Variants in UVSSA observed in about 807,000 individuals in gnomAD.
The protein encoded by UVSSA is UV stimulated scaffold protein A, also known as UV-stimulated scaffold protein A.
A neutral mutation model predicts 73.9 loss-of-function variants in UVSSA; 72 were observed. That is an observed-to-expected ratio of 0.97 (90% confidence interval 0.81 to 1.19). The LOEUF (loss-of-function observed/expected upper bound fraction) is 1.19, where lower values mean the gene tolerates loss of function less well. Ranked by LOEUF, UVSSA falls within the 50% of genes most tolerant of loss-of-function variation. The probability of loss-of-function intolerance (pLI) is 0.00; values close to 1 mark genes in which losing one functional copy is unlikely to be tolerated. For missense variants in UVSSA, 1,150 were observed against 965.0 expected (o/e 1.19, Z -2.54); for synonymous variants, 454 against 391.3 (o/e 1.16, Z -1.89).
rs1335098328 is a variant in UVSSA, at chr4:1,386,677, C to G, written c.*716C>G. ...AGAGGAGTCTATTCAAACCTCTTGC[C>G]TATTTTTAATTGAATGATTTATCTT... On this transcript the variant is annotated 3_prime_UTR_variant, in exon 14 of 14. Coordinates refer to ENST00000389851, the MANE Select transcript of UVSSA (RefSeq NM_020894.4). 1 of 152,018 alleles carries G rather than the reference C, an allele frequency of 6.6e-6. No individual in the cohort carries two copies. Among genetic ancestry groups the G allele is most frequent in the East Asian group, 1.9e-4 (1 of 5,190 alleles). The allele number at this position is 152,018 out of a possible 1,614,324, so 9.4% of individuals were successfully genotyped here. A position where few individuals can be genotyped will look rare whatever the true frequency, so the allele number is the denominator to read the frequency against.
rs576691785 is a variant in UVSSA at position 1,364,960 on chromosome 4, G to A, written c.1177-1360G>A. ...CGGGGCTCTCAGGGAAGGATGGTGC[G>A]CCCTGGGGGCTGCGTGCGAGCTCCC... On this transcript the variant is annotated intron_variant, in intron 7 of 13. Coordinates refer to ENST00000389851, the MANE Select transcript of UVSSA (RefSeq NM_020894.4). Among the ~76,000 whole-genome samples, 6 of 152,260 alleles carry A rather than the reference G, an allele frequency of 3.9e-5. No homozygotes were observed. The South Asian group carries it at 6.2e-4, about 16-fold the overall frequency.
chr4:1,377,855 G>C (rs1459400790), intron 10 of UVSSA, among the ~76,000 whole-genome samples: 1 of 152,278 alleles, frequency 6.6e-6, no homozygotes, highest in African/African-American at 2.4e-5. Flanking sequence ...GCTGTGGTCG[G>C]CTTGATGGAG....
rs1249705222 is a variant in UVSSA at position 1,375,430 on chromosome 4, A to G, written c.1355A>G (p.Glu452Gly). The change falls in exon 9 of 14, where the codon GAG becomes GGG. Residue 452 changes from glutamate (E) to glycine (G), a missense_variant. By Grantham distance (98) the Glu-to-Gly change is moderately conservative. Transcript: ENST00000389851. Reference sequence around the variant, plus strand: ...TTGCGGACGAGGACGAGGATGGACGAGGAGGTGTCGGACCCCACCTCTGCG... The same window carrying G: ...TTGCGGACGAGGACGAGGATGGACGGGGAGGTGTCGGACCCCACCTCTGCG... ...RCLRTRTRMDEEVSDPTSAAA... is the reference protein window; with the variant it reads ...RCLRTRTRMDGEVSDPTSAAA... 11 of 1,612,834 alleles carry G rather than the reference A, an allele frequency of 6.8e-6. No individual in the cohort carries two copies. The highest frequency in any genetic ancestry group is 8.5e-6 in the Non-Finnish European group (10 of 1,180,012).
At chr4:1,343,108 G>A (rs943964319), upstream of UVSSA, among the ~76,000 whole-genome samples, 5 of 152,120 alleles carry the variant, frequency 3.3e-5, no homozygotes, top group South Asian at 2.1e-4. Context: ...CTCGGCTGCC[G>A]TAACAGAAGA....
intron 2 of UVSSA, 53 bp from the exon 3 acceptor site, chr4:1,349,471 C>G (rs1201433092): frequency 6.4e-7 from 1 of 1,563,754 alleles, no homozygotes; most frequent in Middle Eastern, 2.2e-4. Context: ...GAGTCTCCCC[C>G]CGCCCATCCT....
In UVSSA at chr4:1,387,265, A is replaced by G. The variant is rs771441295; in HGVS notation, c.*1304A>G. Reference sequence around the variant, plus strand: ...GCTAATTTTTGTATTTTTAGTAGAGACGGGATTTCACTGTGTTGGCTGGGA... The same window carrying G: ...GCTAATTTTTGTATTTTTAGTAGAGGCGGGATTTCACTGTGTTGGCTGGGA... On this transcript the variant is annotated 3_prime_UTR_variant, in exon 14 of 14. Coordinates refer to ENST00000389851, the MANE Select transcript of UVSSA (RefSeq NM_020894.4). The G allele has an allele frequency of 2.0e-5, 3 of 152,076 alleles. No individual in the cohort carries two copies. The highest frequency in any genetic ancestry group is 2.9e-5 in the Non-Finnish European group (2 of 68,030). The allele number at this position is 152,076 out of a possible 1,614,324, so 9.4% of individuals were successfully genotyped here. A position where few individuals can be genotyped will look rare whatever the true frequency, so the allele number is the denominator to read the frequency against.
chr4:1,374,815 A>G (rs1044537157), intron 8 of UVSSA: 3 of 152,962 alleles, frequency 2.0e-5, no homozygotes, highest in Admixed American at 6.5e-5. Flanking sequence ...CCCCGCTAAC[A>G]TCGCGGTTTG....
downstream of UVSSA, chr4:1,390,606 T>C (rs1720389762): frequency 6.6e-6 from 1 of 152,268 alleles, no homozygotes. Context: ...CTTATTTCAC[T>C]CCATTATGGC....
intron 3 of UVSSA, among the ~76,000 whole-genome samples, chr4:1,350,243 C>G (rs1443009430): frequency 6.6e-6 from 1 of 152,186 alleles, no homozygotes; most frequent in Admixed American, 6.5e-5. Context: ...AAGGCTCCAC[C>G]CGCACCCTAC....
intron 8 of UVSSA, among the ~76,000 whole-genome samples, chr4:1,370,541 G>A (rs1037358792): frequency 3.9e-5 from 6 of 152,270 alleles, no homozygotes; most frequent in Non-Finnish European, 7.3e-5. Flanking sequence ...GCCGTGCACG[G>A]CTTAGAGGAG....
At chr4:1,352,914 CACCTGGTGCTGAAA>C in intron 4 of UVSSA, 102 bp from the exon 5 acceptor site, 1 of 1,366,986 alleles carries the variant, frequency 7.3e-7, no homozygotes, top group Non-Finnish European at 9.8e-7. Context: ...CACTGCATTC[CACCTGGTGCTGAAA>C]AGTGACACCC....
At chr4:1,379,770 ATTCAGACGCAGGCGGTCGTGCC>A in intron 10 of UVSSA, among the ~76,000 whole-genome samples, 1 of 33,792 alleles carries the variant, frequency 3.0e-5, no homozygotes, top group Non-Finnish European at 6.0e-5. Context: ...TGGCGTCAGA[ATTCAGACGCAGGCGGTCGTGCC>A]CGTGGTCGCG....
At chr4:1,373,157 A>C (rs1374656510) in intron 8 of UVSSA, among the ~76,000 whole-genome samples, 1 of 152,226 alleles carries the variant, frequency 6.6e-6, no homozygotes, top group Non-Finnish European at 1.5e-5. Context: ...TGCTATTGAA[A>C]ATCTTGTGTC....
At chr4:1,349,928 A>G in intron 3 of UVSSA, 74 bp downstream of exon 3, 1 of 1,353,712 alleles carries the variant, frequency 7.4e-7, no homozygotes, top group Non-Finnish European at 9.8e-7. Context: ...CAGGGTGAAG[A>G]TGCGCCTCCT....
At chr4:1,353,628 A>G (rs1051743515) in intron 5 of UVSSA, among the ~76,000 whole-genome samples, 1 of 152,108 alleles carries the variant, frequency 6.6e-6, no homozygotes, top group African/African-American at 2.4e-5. Flanking sequence ...GGACACTTCT[A>G]AGAGCTCATG....
intron 13 of UVSSA, chr4:1,384,577 TC>T (rs1206691583): frequency 6.6e-6 from 1 of 152,394 alleles, no homozygotes; most frequent in African/African-American, 2.4e-5. Context: ...GTTTCTGTCT[TC>T]ATATTGCCTT....
chr4:1,380,729 G>C (rs1340151875), intron 11 of UVSSA, 151 bp from the exon 12 acceptor site: 2 of 1,550,256 alleles, frequency 1.3e-6, no homozygotes, highest in African/African-American at 2.7e-5. Context: ...GCCCTCCTCT[G>C]AGGGGCGCGT....
At chr4:1,369,125 G>C (rs28649968) in intron 8 of UVSSA, among the ~76,000 whole-genome samples, 1 of 152,162 alleles carries the variant, frequency 6.6e-6, no homozygotes, top group African/African-American at 2.4e-5. Flanking sequence ...ACGTTCTGCC[G>C]TTCTGCCGTT....
chr4:1,358,441 C>T (rs1347904979), intron 7 of UVSSA: 1 of 152,292 alleles, frequency 6.6e-6, no homozygotes, highest in African/African-American at 2.4e-5. Context: ...TTTCTAGACT[C>T]TTCTCCGCAA....
Sources: gnomAD v4.1 joint callset for allele counts (sites outside exome capture counted in the v4.1 genomes callset) on GRCh38, gnomAD v4.1.1 for gene constraint, MANE v1.5 for transcripts, NCBI Gene and HGNC (gene_info 2026-07-23, HGNC 2026-07-21) for gene names.